The following RIN3 variants were observed in gnomAD, a reference collection of about 807,000 sequenced individuals.
RIN3 encodes the protein RAB5 interacting protein 3.
Under a neutral mutation model 76.3 loss-of-function variants are expected in RIN3, and 54 were observed. The observed-to-expected ratio is 0.71, with a 90% CI of 0.57 to 0.89. The LOEUF (loss-of-function observed/expected upper bound fraction) is 0.89, where lower values mean the gene tolerates loss of function less well. Among genes scored for constraint, RIN3 ranks in the 40% least tolerant of loss-of-function variants. The probability of loss-of-function intolerance (pLI) is 0.00; values close to 1 mark genes in which losing one functional copy is unlikely to be tolerated. For synonymous variants in RIN3, 576 were observed against 564.0 expected, an observed-to-expected ratio of 1.02 and a Z score of -0.30; for missense variants, 1,256 against 1,322.1, an observed-to-expected ratio of 0.95 and a Z score of 0.78.
At chr14:92,547,969 G>A (rs543419602) in intron 1 of RIN3, among the ~76,000 whole-genome samples, 28 of 152,262 alleles carry the variant, frequency 1.8e-4, no homozygotes, top group Non-Finnish European at 3.7e-4. Context: ...CTACCAAAGT[G>A]CTGGGATTAC....
Position 92,688,136 on chromosome 14 carries a change from C to T in RIN3, c.2842C>T (p.Leu948=). ...ALPHCIKGYL[L]RSEPKRDFHF... is the part of the protein sequence containing the mutation. Reference sequence around the variant, plus strand: ...GCCGCACTGCATCAAGGGCTACCTGCTGCGCAGCGAGCCCAAGCGCGACTT... The same window carrying T: ...GCCGCACTGCATCAAGGGCTACCTGTTGCGCAGCGAGCCCAAGCGCGACTT... Residue 948 remains leucine (L), a synonymous_variant, in exon 10 of 10, where the codon CTG becomes TTG. Transcript: ENST00000216487. 6.2e-7 allele frequency: 1 copy of T among 1,610,276 alleles called. No homozygotes were observed. Among genetic ancestry groups the T allele is most frequent in the Non-Finnish European group, 8.5e-7 (1 of 1,178,872 alleles).
intron 3 of RIN3, among the ~76,000 whole-genome samples, chr14:92,602,045 C>T (rs1386196266): frequency 6.6e-6 from 1 of 152,326 alleles, no homozygotes; most frequent in African/African-American, 2.4e-5. Flanking sequence ...TGGGGAGTCA[C>T]CTCAGGGTAA....
At chr14:92,618,217 A>T (rs1421628777) in intron 4 of RIN3, among the ~76,000 whole-genome samples, 1 of 152,232 alleles carries the variant, frequency 6.6e-6, no homozygotes, top group Non-Finnish European at 1.5e-5. Context: ...TGCACAAAAC[A>T]GACCCCTTTT....
chr14:92,571,094 T>C (rs756050122), intron 2 of RIN3, among the ~76,000 whole-genome samples: 1 of 152,198 alleles, frequency 6.6e-6, no homozygotes, highest in Non-Finnish European at 1.5e-5. Flanking sequence ...GGTCCAACGG[T>C]GTTCAAATAA....
chr14:92,620,842 C>A (rs1886150340), intron 4 of RIN3, among the ~76,000 whole-genome samples: 1 of 152,148 alleles, frequency 6.6e-6, no homozygotes, highest in Non-Finnish European at 1.5e-5. Flanking sequence ...TTTCATACAG[C>A]CTGTGCAATT....
At position 92,688,052 on chromosome 14, in the gene RIN3, G is replaced by A. The variant is rs770533602; in HGVS notation, c.2758G>A (p.Ala920Thr). The A allele has an allele frequency of 1.2e-4, 198 of 1,601,102 alleles. No homozygotes were observed. The highest frequency in any genetic ancestry group is 1.6e-4 in the Non-Finnish European group (193 of 1,175,258). Residue 920 changes from alanine (A) to threonine (T), a missense_variant, in exon 10 of 10, where the codon GCG becomes ACG. Ala to Thr is a moderately conservative substitution (Grantham distance 58). Coordinates refer to ENST00000216487, the MANE Select transcript of RIN3 (RefSeq NM_024832.5). ...AEKFAVERPQ[A>T]HRLFVLVDGR... is the part of the protein sequence containing the mutation. ...GAAGTTCGCGGTGGAGCGGCCGCAG[G>A]CGCACCGGCTGTTCGTGCTGGTGGA...
intron 7 of RIN3, among the ~76,000 whole-genome samples, chr14:92,666,192 A>C (rs2140158505): frequency 6.6e-6 from 1 of 152,218 alleles, no homozygotes; most frequent in South Asian, 2.1e-4. Flanking sequence ...CACCTGCCTC[A>C]TTGCTATGAT....
intron 3 of RIN3, among the ~76,000 whole-genome samples, chr14:92,589,216 C>G (rs774212582): frequency 1.3e-5 from 2 of 152,120 alleles, no homozygotes; most frequent in Non-Finnish European, 2.9e-5. Flanking sequence ...CTTCATTTCT[C>G]TCCTCTCTTT....
rs185617084 is a variant in RIN3, at chr14:92,662,901, C to A, written c.2335+3432C>A. On this transcript the variant is annotated intron_variant, in intron 7 of 9. Transcript: ENST00000216487. ...AGGCTTAAGTACAGTGGCACCACCC[C>A]CCAGGCTCAGGCAATTCTCCCACCT... Among the ~76,000 whole-genome samples, 4 of 152,188 alleles carry A rather than the reference C, an allele frequency of 2.6e-5. No individual in the cohort carries two copies. In the East Asian group the frequency reaches 5.8e-4, roughly 22 times the overall value.
intron 3 of RIN3, among the ~76,000 whole-genome samples, chr14:92,614,388 CTG>C (rs1885868928): frequency 6.6e-6 from 1 of 152,210 alleles, no homozygotes; most frequent in Non-Finnish European, 1.5e-5. Flanking sequence ...AGTTCTAAGA[CTG>C]TTGCTTGGGA....
chr14:92,684,146 G>A (rs1888761146), intron 8 of RIN3, among the ~76,000 whole-genome samples: 1 of 152,102 alleles, frequency 6.6e-6, no homozygotes, highest in African/African-American at 2.4e-5. Context: ...TTGGGAGGCT[G>A]AGGCGGGCGG....
chr14:92,612,591 A>G (rs1405182419), intron 3 of RIN3, among the ~76,000 whole-genome samples: 4 of 152,228 alleles, frequency 2.6e-5, no homozygotes, highest in South Asian at 4.1e-4. Context: ...CTGGATGCTA[A>G]GGGAGACTCA....
rs1270817690 is a variant in RIN3 at position 92,659,204 on chromosome 14, C to G, written c.2070C>G (p.Pro690=). 1 of 1,614,148 alleles carries G rather than the reference C, an allele frequency of 6.2e-7. No individual in the cohort carries two copies. The highest frequency in any genetic ancestry group is 2.2e-5 in the East Asian group (1 of 44,886). The change falls in exon 7 of 10, where the codon CCC becomes CCG. Residue 690 remains proline, a synonymous_variant. Transcript: ENST00000216487. ...CCTTGTACAAATGTGTCCTGAAGCC[C>G]CTGAAGGAAGCCATCAACTCATGCC... ...ESALYKCVLK[P]LKEAINSCLH...
chr14:92,606,547 AAAAT>A (rs146771092), intron 3 of RIN3, among the ~76,000 whole-genome samples: 14,120 of 152,186 alleles, frequency 0.093, 799 homozygotes, highest in Non-Finnish European at 0.13. Flanking sequence ...CCTGTCTCAA[AAAAT>A]AAATAAATAA....
rs1385885364 is a variant in RIN3 at position 92,658,149 on chromosome 14, G to A, written c.2027-1012G>A. ...CCCAACCCACTCCATGAGAGCCTAA[G>A]CTGGTCCATCCTCAGAGTGGGCATC... On this transcript the variant is annotated intron_variant, in intron 6 of 9. Coordinates refer to ENST00000216487, the MANE Select transcript of RIN3 (RefSeq NM_024832.5). Among the ~76,000 whole-genome samples, 11 of 152,328 alleles carry A rather than the reference G, an allele frequency of 7.2e-5. No homozygotes were observed. In the East Asian group the frequency reaches 1.7e-3, roughly 24 times the overall value.
chr14:92,612,710 G>C (rs141669876), intron 3 of RIN3, among the ~76,000 whole-genome samples: 174 of 152,356 alleles, frequency 1.1e-3, no homozygotes, highest in Non-Finnish European at 1.9e-3. Flanking sequence ...GAAAGGGCAG[G>C]GGCTGGGGCC....
chr14:92,514,049 C>A lies in RIN3; in HGVS notation c.44+73C>A. 1 of 1,055,718 alleles carries A rather than the reference C, an allele frequency of 9.5e-7. No homozygotes were observed. The highest frequency in any genetic ancestry group is 1.2e-6 in the Non-Finnish European group (1 of 825,420). 65.4% of individuals were successfully genotyped at this position (1,055,718 alleles called of 1,614,324 possible). On this transcript the variant is annotated intron_variant, in intron 1 of 9. Transcript: ENST00000216487. The surrounding 1 kb of genome is among the most constrained non-coding windows in gnomAD (Gnocchi z 7.2). ...GCGTCCTGGCCGCCCCACTCCACTT[C>A]TTGTCCCAGAGAGTCCTTCGGGCGC...
intron 2 of RIN3, among the ~76,000 whole-genome samples, chr14:92,572,160 C>A (rs767118007): frequency 2.0e-4 from 30 of 152,344 alleles, no homozygotes; most frequent in Non-Finnish European, 4.3e-4. Context: ...GGTCTTGTGT[C>A]CGTCCCTTCT....
At chr14:92,552,273 C>T (rs1420748560) in intron 1 of RIN3, among the ~76,000 whole-genome samples, 1 of 152,196 alleles carries the variant, frequency 6.6e-6, no homozygotes, top group Non-Finnish European at 1.5e-5. Context: ...ACCCTGAGAG[C>T]AGCAGCCTCG....
Sources: gnomAD v4.1 joint callset for allele counts (sites outside exome capture counted in the v4.1 genomes callset) on GRCh38, gnomAD v4.1.1 for gene constraint, Gnocchi (gnomAD v3.1) non-coding constraint, MANE v1.5 for transcripts, NCBI Gene and HGNC (gene_info 2026-07-23, HGNC 2026-07-21) for gene names.